The following DNAH8 variants were observed in gnomAD, a reference collection of about 807,000 sequenced individuals.
DNAH8 encodes the protein dynein axonemal heavy chain 8.
Under a neutral mutation model 562.1 loss-of-function variants are expected in DNAH8, and 382 were observed. The observed-to-expected ratio is 0.68, with a 90% CI of 0.63 to 0.74. The LOEUF (loss-of-function observed/expected upper bound fraction) is 0.74. Ranked by LOEUF, DNAH8 falls within the 30% of genes least tolerant of loss-of-function variation. DNAH8 has a pLI of 0.00. For synonymous variants in DNAH8, 1,881 were observed against 1,919.4 expected, an observed-to-expected ratio of 0.98 and a Z score of 0.52; for missense variants, 5,203 against 5,620.4, an observed-to-expected ratio of 0.93 and a Z score of 2.37.
intron 41 of DNAH8, among the ~76,000 whole-genome samples, chr6:38,853,800 C>T (rs1173683282): frequency 2.6e-5 from 4 of 152,028 alleles, no homozygotes; most frequent in African/African-American, 9.7e-5. Context: ...TTACATTAGC[C>T]TACAGTTAGG....
intron 92 of DNAH8, among the ~76,000 whole-genome samples, chr6:39,027,556 G>C (rs773765384): frequency 6.6e-6 from 1 of 152,170 alleles, no homozygotes; most frequent in Non-Finnish European, 1.5e-5. Flanking sequence ...GGCCAGGCAC[G>C]GTGGCTCACG....
intron 18 of DNAH8, 97 bp downstream of exon 18, chr6:38,787,049 G>A (rs938593338): frequency 2.3e-5 from 15 of 641,160 alleles, no homozygotes; most frequent in Non-Finnish European, 2.7e-5. Flanking sequence ...ATGCTTCATG[G>A]CATTGAGGGA....
Position 38,853,239 on chromosome 6 carries a change from G to T in DNAH8, c.5625G>T (p.Leu1875Phe). 1 of 1,613,276 alleles carries T rather than the reference G, an allele frequency of 6.2e-7. No homozygotes were observed. Residue 1875 changes from leucine to phenylalanine, a missense_variant, in exon 41 of 93, where the codon TTG (leucine) becomes TTT (phenylalanine). Transcript: ENST00000327475. The stretch of plus-strand genomic sequence containing the variant: ...CTGTGGAGATTTGGCTACTGGATTT[G>T]TTAAAAATGCAGATGTCATCATTAC... ...KGPVEIWLLD[L>F]LKMQMSSLHN...
intron 35 of DNAH8, among the ~76,000 whole-genome samples, chr6:38,843,120 C>T (rs1774965237): frequency 6.6e-6 from 1 of 151,996 alleles, no homozygotes; most frequent in East Asian, 1.9e-4. Context: ...ATTTGAAATA[C>T]ATTTGTTCTG....
At chr6:38,923,856 T>C in intron 72 of DNAH8, 135 bp from the exon 73 acceptor site, 1 of 1,023,032 alleles carries the variant, frequency 9.8e-7, no homozygotes, top group African/African-American at 1.6e-5. Context: ...ACGGTCTTTT[T>C]CCATGCCTGG....
rs60341727 is a variant in DNAH8, at chr6:38,762,791, C to G, written c.1617+988C>G. 560 of 170,560 alleles carry G rather than the reference C, an allele frequency of 3.3e-3. 3 individuals carry two copies. Among genetic ancestry groups the G allele is most frequent in the African/African-American group, 0.013 (532 of 41,680 alleles). The allele number at this position is 170,560 out of a possible 1,614,324, so 10.6% of individuals were successfully genotyped here. A position where few individuals can be genotyped will look rare whatever the true frequency, so the allele number is the denominator to read the frequency against. Reference sequence around the variant, plus strand: ...AGGGAGGTCAAGTTTGAAAAGTGGCCCAGTGCCCTCCACCCAGGATGGGAA... The same window carrying G: ...AGGGAGGTCAAGTTTGAAAAGTGGCGCAGTGCCCTCCACCCAGGATGGGAA... On this transcript the variant is annotated intron_variant, in intron 11 of 92. Coordinates refer to ENST00000327475, the MANE Select transcript of DNAH8 (RefSeq NM_001206927.2).
Position 38,911,490 on chromosome 6 carries a change from A to G in DNAH8, c.9763A>G (p.Thr3255Ala), listed in dbSNP as rs2150530963. ...FQRYRRRAHVTPKSYLSFING... is the reference protein window; with the variant it reads ...FQRYRRRAHVAPKSYLSFING... ...CAGATACCGCCGAAGAGCACATGTGACTCCCAAATCTTACCTCTCATTTAT... is the reference window on the plus strand; with the variant it reads ...CAGATACCGCCGAAGAGCACATGTGGCTCCCAAATCTTACCTCTCATTTAT... Residue 3255 changes from threonine to alanine, a missense_variant, in exon 66 of 93, where the codon ACT becomes GCT. Physicochemically the swap from Thr to Ala is moderately conservative, Grantham distance 58. Transcript: ENST00000327475. 1.2e-6 allele frequency: 2 copies of G among 1,613,396 alleles called. No homozygotes were observed. The highest frequency in any genetic ancestry group is 1.1e-5 in the South Asian group (1 of 91,050).
At chr6:38,854,276 AC>A (rs1215835888) in intron 41 of DNAH8, among the ~76,000 whole-genome samples, 1 of 152,180 alleles carries the variant, frequency 6.6e-6, no homozygotes, top group Non-Finnish European at 1.5e-5. Context: ...TGGTTTCATT[AC>A]ACTTTCATTC....
chr6:38,911,447 C>T lies in DNAH8; in HGVS notation c.9741-21C>T, dbSNP rs750147838. ...AGTACGCACAATGATTGAAATGGTC[C>T]TTTTAATGTTCTGCTTTCAGATACC... On this transcript the variant is annotated intron_variant, in intron 65 of 92. Coordinates refer to ENST00000327475, the MANE Select transcript of DNAH8 (RefSeq NM_001206927.2). 6.7e-5 allele frequency: 103 copies of T among 1,538,528 alleles called. No homozygotes were observed. In the Middle Eastern group the frequency reaches 1.3e-3, roughly 20 times the overall value.
At chr6:38,934,073 C>A (rs1352670940) in intron 76 of DNAH8, among the ~76,000 whole-genome samples, 1 of 152,106 alleles carries the variant, frequency 6.6e-6, no homozygotes, top group Non-Finnish European at 1.5e-5. Context: ...ATATTAGAGG[C>A]CAGGCGTGGT....
intron 43 of DNAH8, 35 bp from the exon 44 acceptor site, chr6:38,862,245 A>G (rs1284282104): frequency 1.9e-6 from 3 of 1,591,472 alleles, no homozygotes; most frequent in Non-Finnish European, 2.6e-6. Flanking sequence ...GTGTCATCCC[A>G]TACTCACAAT....
intron 49 of DNAH8, 143 bp from the exon 50 acceptor site, chr6:38,872,393 A>G: frequency 1.1e-6 from 1 of 875,458 alleles, no homozygotes; most frequent in South Asian, 1.8e-5. Context: ...ATCTAGTAAA[A>G]CAACATTTTT....
At chr6:38,997,678 A>T (rs1390603600) in intron 88 of DNAH8, among the ~76,000 whole-genome samples, 2 of 152,230 alleles carry the variant, frequency 1.3e-5, no homozygotes, top group Non-Finnish European at 2.9e-5. Flanking sequence ...GTCTGTGTGA[A>T]TGTCCCCAGC....
intron 21 of DNAH8, among the ~76,000 whole-genome samples, chr6:38,801,264 A>T (rs559031823): frequency 1.2e-3 from 186 of 152,196 alleles, no homozygotes; most frequent in Non-Finnish European, 2.1e-3. Flanking sequence ...ATTCTCTTGC[A>T]AGTGGATATT....
At chr6:38,727,673 G>C (rs1254624321) in intron 3 of DNAH8, among the ~76,000 whole-genome samples, 1 of 152,126 alleles carries the variant, frequency 6.6e-6, no homozygotes, top group African/African-American at 2.4e-5. Flanking sequence ...AAATAAAATA[G>C]CCTTTTTATT....
At chr6:38,986,220 G>T (rs1186489993) in intron 87 of DNAH8, among the ~76,000 whole-genome samples, 1 of 152,152 alleles carries the variant, frequency 6.6e-6, no homozygotes, top group Non-Finnish European at 1.5e-5. Context: ...ATCCATCATG[G>T]GGAAATAGTT....
At chr6:39,028,537 A>G (rs550411745) in intron 92 of DNAH8, among the ~76,000 whole-genome samples, 40 of 152,324 alleles carry the variant, frequency 2.6e-4, no homozygotes, top group Non-Finnish European at 4.9e-4. Context: ...TACCAGTCAC[A>G]TTGGATTTAG....
rs199634409 is a variant in DNAH8 at position 38,973,838 on chromosome 6, C to G, written c.12678+25C>G. The stretch of plus-strand genomic sequence containing the variant: ...GGTTTGTTACTAAACGTCTTTTCAT[C>G]GAGAGTCATAGTAATAAAGATGACA... On this transcript the variant is annotated intron_variant, in intron 84 of 92. Coordinates refer to ENST00000327475, the MANE Select transcript of DNAH8 (RefSeq NM_001206927.2). The G allele has an allele frequency of 9.6e-6, 15 of 1,561,666 alleles. No homozygotes were observed. In the South Asian group the frequency reaches 1.7e-4, roughly 17 times the overall value.
intron 21 of DNAH8, among the ~76,000 whole-genome samples, chr6:38,799,864 G>A (rs1770620236): frequency 6.6e-6 from 1 of 152,140 alleles, no homozygotes; most frequent in East Asian, 1.9e-4. Context: ...TACAATATAT[G>A]TTCTTTTGTG....
Sources: allele counts gnomAD v4.1 joint callset (sites outside exome capture counted in the v4.1 genomes callset), GRCh38; gene constraint gnomAD v4.1.1; transcripts MANE v1.5; gene names NCBI Gene and HGNC (gene_info 2026-07-23, HGNC 2026-07-21).